BCAR3: variants seen among roughly 807,000 people sequenced by gnomAD.
The protein encoded by BCAR3 is breast cancer anti-estrogen resistance protein 3.
A neutral mutation model predicts 80.1 loss-of-function variants in BCAR3; 37 were observed. The observed-to-expected ratio is 0.46, with a 90% confidence interval of 0.36 to 0.61. The LOEUF is 0.61. Among genes scored for constraint, BCAR3 ranks in the 20% least tolerant of loss-of-function variants. BCAR3 has a pLI of 0.00. For synonymous variants in BCAR3, 389 were observed against 418.9 expected (o/e 0.93, Z 0.87); for missense variants, 978 against 1,068.2 (o/e 0.92, Z 1.18).
At chr1:93,740,793 G>C (rs555153847) in intron 2 of BCAR3, among the ~76,000 whole-genome samples, 168 of 152,226 alleles carry the variant, frequency 1.1e-3, no homozygotes, top group Non-Finnish European at 2.1e-3. Context: ...AGGCATTAGG[G>C]ACTAGCTGCC....
intron 2 of BCAR3, among the ~76,000 whole-genome samples, chr1:93,752,056 C>T (rs1651574502): frequency 6.6e-6 from 1 of 152,262 alleles, no homozygotes; most frequent in Non-Finnish European, 1.5e-5. Context: ...ACCACCTACA[C>T]ACTCATTTCA....
At chr1:93,578,404 A>G (rs1381688353) in intron 7 of BCAR3, among the ~76,000 whole-genome samples, 1 of 152,184 alleles carries the variant, frequency 6.6e-6, no homozygotes, top group Non-Finnish European at 1.5e-5. Flanking sequence ...GAAAAGACGT[A>G]TGAAGCCCTC....
chr1:93,663,795 A>C (rs190587024), intron 2 of BCAR3, among the ~76,000 whole-genome samples: 101 of 152,292 alleles, frequency 6.6e-4, no homozygotes, highest in Admixed American at 2.6e-3. Flanking sequence ...ACACTGGGGG[A>C]ATCCTTTAAA....
At chr1:93,578,372 T>A (rs1199140899) in intron 7 of BCAR3, among the ~76,000 whole-genome samples, 1 of 152,204 alleles carries the variant, frequency 6.6e-6, no homozygotes, top group Non-Finnish European at 1.5e-5. Context: ...GAAACTGGTA[T>A]GAGCCCAGAA....
chr1:93,583,034 C>T lies in BCAR3; in HGVS notation c.1034-81G>A, dbSNP rs1250351206. On this transcript the variant is annotated intron_variant, in intron 6 of 11. Transcript: ENST00000260502. ...AAACAAAACCAGAGTGGCAGCTCCCCAGCCCTCCATTCATGCCCTTGGGCT... is the reference window on the plus strand; with the variant it reads ...AAACAAAACCAGAGTGGCAGCTCCCTAGCCCTCCATTCATGCCCTTGGGCT... The T allele has an allele frequency of 3.5e-6, 5 of 1,441,400 alleles. No homozygotes were observed. The South Asian group carries it at 6.9e-5, about 20-fold the overall frequency. 89.3% of individuals were successfully genotyped at this position (1,441,400 alleles called of 1,614,324 possible).
chr1:93,734,817 C>G (rs1043327781), intron 2 of BCAR3, among the ~76,000 whole-genome samples: 2 of 152,154 alleles, frequency 1.3e-5, no homozygotes, highest in African/African-American at 4.8e-5. Flanking sequence ...CATGTTAAGG[C>G]AGCACGGGGC....
At position 93,674,841 on chromosome 1, in the gene BCAR3, G is replaced by A. The variant is rs147949041; in HGVS notation, c.90C>T (p.Ser30=). The change falls in exon 2 of 12, where the codon AGC becomes AGT. Residue 30 remains serine (S), a synonymous_variant. Coordinates refer to ENST00000260502, the MANE Select transcript of BCAR3 (RefSeq NM_003567.4). The part of the protein sequence containing the change: ...PLASSMDLLS[S]RSPLAEHRPD... ...GGCGATGCTCAGCGAGAGGGGACCT[G>A]CTGCTCAGAAGGTCCATGGATGAGG... is the stretch of plus-strand genomic sequence containing the variant. 1.1e-4 allele frequency: 174 copies of A among 1,603,758 alleles called. 1 individual carries two copies. In the African/African-American group the frequency reaches 2.1e-3, roughly 19 times the overall value.
At chr1:93,818,237 T>G (rs986655142) in intron 2 of BCAR3, among the ~76,000 whole-genome samples, 5 of 152,204 alleles carry the variant, frequency 3.3e-5, no homozygotes, top group African/African-American at 1.2e-4. Context: ...TTCAGAAATA[T>G]CTGTTGGTTT....
rs372074671 is a variant in BCAR3 at position 93,562,215 on chromosome 1, T to C, written c.*26A>G. On this transcript the variant is annotated 3_prime_UTR_variant, in exon 12 of 12. Transcript: ENST00000260502. ...ATGAAGCTGGGGAAACTTGAAAAGA[T>C]ATTCTAAAGGTTCTCTGGAGAGTTA... is the stretch of plus-strand genomic sequence containing the variant. The C allele has an allele frequency of 1.3e-6, 2 of 1,583,148 alleles. No homozygotes were observed. Among genetic ancestry groups the C allele is most frequent in the African/African-American group, 2.7e-5 (2 of 73,622 alleles).
chr1:93,824,211 T>C (rs1032451982), intron 2 of BCAR3, among the ~76,000 whole-genome samples: 2 of 133,942 alleles, frequency 1.5e-5, no homozygotes, highest in Non-Finnish European at 3.4e-5. Context: ...CTCTACATCT[T>C]GCCTAAAGTG....
chr1:93,662,987 G>A (rs189291191), intron 2 of BCAR3, among the ~76,000 whole-genome samples: 21 of 152,150 alleles, frequency 1.4e-4, no homozygotes, highest in African/African-American at 5.1e-4. Flanking sequence ...ATGATTTGAT[G>A]ATCTCAGTCT....
At chr1:93,697,178 C>T (rs1013788387) in intron 3 of BCAR3, among the ~76,000 whole-genome samples, 15 of 152,248 alleles carry the variant, frequency 9.9e-5, no homozygotes, top group African/African-American at 3.6e-4. Context: ...CACATCTAAA[C>T]AGGTGGTCCA....
At position 93,747,498 on chromosome 1, in the gene BCAR3, A is replaced by G. The variant is rs951044733; in HGVS notation, c.-62-41356T>C. Among the ~76,000 whole-genome samples, 6 of 151,642 alleles carry G rather than the reference A, an allele frequency of 4.0e-5. 1 individual carries two copies. The highest frequency in any genetic ancestry group is 1.2e-4 in the African/African-American group (5 of 40,924). ...AGTTGCTGGTGTCTGTCTTCACCCA[A>G]TGAGATTAAACGAACCTTGAACATA... On this transcript the variant is annotated intron_variant, in intron 2 of 13. Coordinates refer to the BCAR3 transcript ENST00000370244.
At chr1:93,833,007 T>C (rs1654627543) in intron 2 of BCAR3, among the ~76,000 whole-genome samples, 1 of 152,100 alleles carries the variant, frequency 6.6e-6, no homozygotes, top group Non-Finnish European at 1.5e-5. Flanking sequence ...TACCATCCCA[T>C]TAAAACCTAA....
intron 3 of BCAR3, among the ~76,000 whole-genome samples, chr1:93,595,056 G>A (rs1227839099): frequency 2.0e-5 from 3 of 152,168 alleles, no homozygotes; most frequent in African/African-American, 7.2e-5. Context: ...CCTAAGAGAA[G>A]AACAGGAAAA....
At chr1:93,571,525 C>A in intron 9 of BCAR3, 145 bp downstream of exon 9, 1 of 1,061,698 alleles carries the variant, frequency 9.4e-7, no homozygotes, top group Admixed American at 2.1e-5. Flanking sequence ...ACCCCAAATA[C>A]TTAGGACACT....
intron 2 of BCAR3, among the ~76,000 whole-genome samples, chr1:93,839,870 C>A (rs1017346184): frequency 6.6e-6 from 1 of 152,104 alleles, no homozygotes; most frequent in Admixed American, 6.5e-5. Flanking sequence ...AACTTTAGTG[C>A]AAATGAGTCA....
chr1:93,644,493 A>G (rs115019684), intron 2 of BCAR3, among the ~76,000 whole-genome samples: 1,966 of 152,252 alleles, frequency 0.013, 42 homozygotes, highest in African/African-American at 0.044. Flanking sequence ...GTATTTCTTA[A>G]AAGTATTTGA....
intron 8 of BCAR3, among the ~76,000 whole-genome samples, chr1:93,575,167 G>C (rs1673402733): frequency 6.6e-6 from 1 of 152,188 alleles, no homozygotes; most frequent in Non-Finnish European, 1.5e-5. Flanking sequence ...GTAATAGCCA[G>C]TGCAGAATGC....
Sources: allele counts gnomAD v4.1 joint callset (sites outside exome capture counted in the v4.1 genomes callset), GRCh38; gene constraint gnomAD v4.1.1; transcripts MANE v1.5; gene names NCBI Gene and HGNC (gene_info 2026-07-23, HGNC 2026-07-21).